The following NSMCE2 variants were observed in gnomAD, a reference collection of about 807,000 sequenced individuals.
NSMCE2 encodes the protein NSE2 SUMO ligase component of SMC5/6 complex.
NSMCE2 carries 24 observed loss-of-function variants against 23.8 expected under a neutral mutation model. The observed-to-expected ratio is 1.01, with a 90% CI of 0.73 to 1.42. The LOEUF is 1.42. NSMCE2 is among the 40% of genes most tolerant of loss of function. The pLI is 0.00. For missense variants in NSMCE2, 284 were observed against 296.5 expected (o/e 0.96, Z 0.31); for synonymous variants, 92 against 94.1 (o/e 0.98, Z 0.13).
chr8:125,174,566 A>G (rs1822381804), intron 4 of NSMCE2, among the ~76,000 whole-genome samples: 1 of 152,240 alleles, frequency 6.6e-6, no homozygotes, highest in African/African-American at 2.4e-5. Context: ...CATAGATGGC[A>G]GGTTGCCTCA....
At chr8:125,127,395 G>A (rs980067161) in intron 3 of NSMCE2, among the ~76,000 whole-genome samples, 1 of 152,080 alleles carries the variant, frequency 6.6e-6, no homozygotes, top group Non-Finnish European at 1.5e-5. Context: ...AGGAAAAAAT[G>A]ATGTTTATGA....
intron 5 of NSMCE2, among the ~76,000 whole-genome samples, chr8:125,208,519 T>A (rs1381989627): frequency 6.6e-6 from 1 of 152,216 alleles, no homozygotes; most frequent in Non-Finnish European, 1.5e-5. Flanking sequence ...AGTACATAGA[T>A]GGATATGACC....
At chr8:125,194,277 C>G (rs1823499980) in intron 5 of NSMCE2, among the ~76,000 whole-genome samples, 1 of 152,164 alleles carries the variant, frequency 6.6e-6, no homozygotes, top group Admixed American at 6.5e-5. Context: ...CAGCCCCTGG[C>G]AACCACTGTT....
At chr8:125,299,030 T>C (rs1828446643) in intron 5 of NSMCE2, among the ~76,000 whole-genome samples, 1 of 152,208 alleles carries the variant, frequency 6.6e-6, no homozygotes, top group South Asian at 2.1e-4. Flanking sequence ...TCAGGAATAG[T>C]TGATGCTAGT....
chr8:125,244,023 T>C (rs1422519579), intron 5 of NSMCE2, among the ~76,000 whole-genome samples: 2 of 150,950 alleles, frequency 1.3e-5, no homozygotes, highest in East Asian at 1.9e-4. Flanking sequence ...AGGGAAGATA[T>C]TGTAAGAGTT....
At chr8:125,127,984 A>G (rs763379274) in intron 3 of NSMCE2, among the ~76,000 whole-genome samples, 2 of 152,182 alleles carry the variant, frequency 1.3e-5, no homozygotes, top group Non-Finnish European at 2.9e-5. Flanking sequence ...CAGCGCTCAA[A>G]AAAGCTTTGG....
At chr8:125,227,846 G>A (rs1825167275) in intron 5 of NSMCE2, among the ~76,000 whole-genome samples, 2 of 151,860 alleles carry the variant, frequency 1.3e-5, no homozygotes, top group Admixed American at 6.6e-5. Context: ...CTATATATTC[G>A]CAAAACTGAG....
intron 4 of NSMCE2, among the ~76,000 whole-genome samples, chr8:125,168,619 TG>T (rs1586554426): frequency 6.6e-6 from 1 of 152,364 alleles, no homozygotes; most frequent in East Asian, 1.9e-4. Context: ...ACAAGCTCTC[TG>T]GGGCCTCTTT....
intron 5 of NSMCE2, among the ~76,000 whole-genome samples, chr8:125,263,759 C>CAA (rs78327482): frequency 2.7e-4 from 38 of 138,366 alleles, no homozygotes; most frequent in African/African-American, 7.9e-4. Flanking sequence ...CAAAAAAAAA[C>CAA]AAAAAAAAAA....
intron 1 of NSMCE2, among the ~76,000 whole-genome samples, chr8:125,092,504 A>T (rs1022540176): frequency 3.9e-5 from 6 of 152,256 alleles, no homozygotes; most frequent in Admixed American, 3.9e-4. Context: ...CATGTGAGCA[A>T]ATAGTTGTGA....
intron 5 of NSMCE2, among the ~76,000 whole-genome samples, chr8:125,213,148 A>G (rs1824415490): frequency 6.6e-6 from 1 of 152,210 alleles, no homozygotes; most frequent in South Asian, 2.1e-4. Flanking sequence ...ATGAAAAAGA[A>G]ATGTTGAACA....
At chr8:125,173,601 T>C (rs916798954) in intron 4 of NSMCE2, among the ~76,000 whole-genome samples, 11 of 152,156 alleles carry the variant, frequency 7.2e-5, no homozygotes, top group African/African-American at 2.7e-4. Flanking sequence ...TTGAGTGAGA[T>C]ACCATGGTGA....
rs1813281780 is a variant in NSMCE2 at position 125,356,356 on chromosome 8, G to A, written c.419-863G>A. On this transcript the variant is annotated intron_variant, in intron 5 of 7. Transcript: ENST00000287437. ...TTTTTTTTTTTTTTTTTGAGACAGA[G>A]TCTCGCTCTGTCACCAGACTGGAGT... Among the ~76,000 whole-genome samples the A allele has an allele frequency of 2.6e-5, 3 of 115,810 alleles. No individual in the cohort carries two copies. The South Asian group carries it at 9.0e-4, about 35-fold the overall frequency. 76.0% of individuals were successfully genotyped at this position (115,810 alleles called of 152,430 possible).
chr8:125,113,879 A>G (rs1027658914), intron 3 of NSMCE2, among the ~76,000 whole-genome samples: 1 of 152,184 alleles, frequency 6.6e-6, no homozygotes, highest in African/African-American at 2.4e-5. Context: ...GAGGTTTAGC[A>G]GGTTCTAGGA....
intron 5 of NSMCE2, among the ~76,000 whole-genome samples, chr8:125,233,457 A>C (rs149908503): frequency 2.8e-3 from 428 of 152,302 alleles, no homozygotes; most frequent in African/African-American, 9.6e-3. Context: ...TTTATTCCTT[A>C]AAGTCACATG....
intron 4 of NSMCE2, among the ~76,000 whole-genome samples, chr8:125,161,688 T>C (rs1821634872): frequency 6.7e-6 from 1 of 148,856 alleles, no homozygotes; most frequent in African/African-American, 2.6e-5. Flanking sequence ...TCCCAGCTAC[T>C]CGGGAGGCTG....
chr8:125,194,216 C>T (rs1823495709), intron 5 of NSMCE2, among the ~76,000 whole-genome samples: 1 of 152,102 alleles, frequency 6.6e-6, no homozygotes, highest in South Asian at 2.1e-4. Context: ...AATCAACCCC[C>T]AACAAAAAAT....
At chr8:125,226,431 A>G (rs1416873333) in intron 5 of NSMCE2, among the ~76,000 whole-genome samples, 1 of 152,244 alleles carries the variant, frequency 6.6e-6, no homozygotes, top group African/African-American at 2.4e-5. Context: ...AAATGAGGAC[A>G]GGAGTGGAGG....
chr8:125,320,995 C>T (rs560213960), intron 5 of NSMCE2, among the ~76,000 whole-genome samples: 3 of 151,850 alleles, frequency 2.0e-5, no homozygotes, highest in Non-Finnish European at 4.4e-5. Flanking sequence ...AGAGGGGCTA[C>T]GCACTTTTCA....
Sources: gnomAD v4.1 joint callset for allele counts (sites outside exome capture counted in the v4.1 genomes callset) on GRCh38, gnomAD v4.1.1 for gene constraint, MANE v1.5 for transcripts, NCBI Gene and HGNC (gene_info 2026-07-23, HGNC 2026-07-21) for gene names.